ASIC2: variants seen among roughly 807,000 people sequenced by gnomAD.
The protein encoded by ASIC2 is acid sensing ion channel subunit 2.
A neutral mutation model predicts 57.3 loss-of-function variants in ASIC2; 25 were observed. The ratio of observed to expected loss-of-function variants is 0.44; its 90% confidence interval spans 0.32 to 0.61. The LOEUF (loss-of-function observed/expected upper bound fraction) is 0.61. Among genes scored for constraint, ASIC2 ranks in the 20% least tolerant of loss-of-function variants. The pLI is 0.06. For synonymous variants in ASIC2, 319 were observed against 307.5 expected, an observed-to-expected ratio of 1.04 and a Z score of -0.39; for missense variants, 641 against 738.1, an observed-to-expected ratio of 0.87 and a Z score of 1.52.
intron 1 of ASIC2, among the ~76,000 whole-genome samples, chr17:33,139,110 C>A (rs996511670): frequency 6.6e-6 from 1 of 152,212 alleles, no homozygotes; most frequent in East Asian, 1.9e-4. Flanking sequence ...TGGCTTTTGA[C>A]TGTCAGAGTC....
chr17:33,142,124 G>T (rs1904340893), intron 1 of ASIC2, among the ~76,000 whole-genome samples: 1 of 152,196 alleles, frequency 6.6e-6, no homozygotes, highest in African/African-American at 2.4e-5. Context: ...TCTGCACAGT[G>T]CTTGGCACAT....
intron 1 of ASIC2, among the ~76,000 whole-genome samples, chr17:34,097,695 T>C (rs1170447271): frequency 6.6e-6 from 1 of 152,216 alleles, no homozygotes; most frequent in African/African-American, 2.4e-5. Context: ...TTATCATAGT[T>C]GGTTGAATCC....
At chr17:33,837,061 C>T (rs901562863) in intron 1 of ASIC2, among the ~76,000 whole-genome samples, 5 of 152,184 alleles carry the variant, frequency 3.3e-5, no homozygotes, top group Admixed American at 6.5e-5. Context: ...ATTCTCTGTA[C>T]TGATTACGTG....
intron 1 of ASIC2, among the ~76,000 whole-genome samples, chr17:33,113,838 CTG>C (rs2092270012): frequency 6.6e-6 from 1 of 152,226 alleles, no homozygotes; most frequent in African/African-American, 2.4e-5. Flanking sequence ...AGCAGAAAAA[CTG>C]AGATTCAAAT....
intron 1 of ASIC2, among the ~76,000 whole-genome samples, chr17:34,068,964 T>C (rs1909277542): frequency 6.6e-6 from 1 of 152,150 alleles, no homozygotes; most frequent in Admixed American, 6.5e-5. Flanking sequence ...ACAAAAGCAA[T>C]GAGTGACAAA....
At chr17:33,837,942 C>T (rs1913322562) in intron 1 of ASIC2, among the ~76,000 whole-genome samples, 1 of 152,148 alleles carries the variant, frequency 6.6e-6, no homozygotes, top group Non-Finnish European at 1.5e-5. Context: ...TCTTCCAAAG[C>T]CTCCAAGAAA....
At position 33,152,517 on chromosome 17, in the gene ASIC2, G is replaced by T. The variant is rs143206494; in HGVS notation, c.709-40450C>A. On this transcript the variant is annotated intron_variant, in intron 1 of 9. Transcript: ENST00000225823. ...CAGGAAGGGAGAGATAACAACAAAG[G>T]CAGAGATGTAGGAGTGAGCAAGGGA... is the stretch of plus-strand genomic sequence containing the variant. Among the ~76,000 whole-genome samples, 70 of 152,328 alleles carry T rather than the reference G, an allele frequency of 4.6e-4. 1 individual carries two copies. Among genetic ancestry groups the T allele is most frequent in the Non-Finnish European group, 7.4e-4 (50 of 68,026 alleles).
intron 1 of ASIC2, among the ~76,000 whole-genome samples, chr17:33,976,376 C>T (rs1000468269): frequency 2.0e-5 from 3 of 152,040 alleles, no homozygotes; most frequent in Non-Finnish European, 4.4e-5. Flanking sequence ...GTCCCCATCT[C>T]CACAATAACC....
intron 1 of ASIC2, among the ~76,000 whole-genome samples, chr17:33,182,587 C>G (rs950841867): frequency 1.3e-5 from 2 of 152,134 alleles, no homozygotes; most frequent in African/African-American, 4.8e-5. Context: ...TAGTACCTTG[C>G]TCTCTTCCCT....
intron 1 of ASIC2, chr17:34,006,917 T>A (rs575764222): frequency 1.3e-5 from 2 of 152,324 alleles, no homozygotes; most frequent in African/African-American, 2.4e-5. Flanking sequence ...CTGTCAGAAC[T>A]GATCTCTACT....
chr17:33,543,691 G>A (rs1463970531), intron 1 of ASIC2, among the ~76,000 whole-genome samples: 3 of 152,054 alleles, frequency 2.0e-5, no homozygotes, highest in African/African-American at 4.8e-5. Flanking sequence ...ACATTACCTC[G>A]CTTAGTACTC....
At chr17:33,748,703 T>C (rs1910337278) in intron 1 of ASIC2, among the ~76,000 whole-genome samples, 1 of 152,232 alleles carries the variant, frequency 6.6e-6, no homozygotes, top group Non-Finnish European at 1.5e-5. Context: ...GCTGCCCTCA[T>C]GATCTCTGAG....
In ASIC2 at chr17:33,735,419, C is replaced by A. The variant is rs568885816; in HGVS notation, c.555+420559G>T. On this transcript the variant is annotated intron_variant, in intron 1 of 9. Coordinates refer to the ASIC2 transcript ENST00000359872. ...CACTGTATTATTCCTGACTGTTCTTCTGGGTAGTGACCAAAGAAAATGCCC... is the reference window on the plus strand; with the variant it reads ...CACTGTATTATTCCTGACTGTTCTTATGGGTAGTGACCAAAGAAAATGCCC... 2.0e-5 allele frequency among the ~76,000 whole-genome samples: 3 copies of A among 152,214 alleles called. No homozygotes were observed. The South Asian group carries it at 6.2e-4, about 32-fold the overall frequency.
intron 1 of ASIC2, among the ~76,000 whole-genome samples, chr17:33,710,642 A>G (rs2142075772): frequency 6.6e-6 from 1 of 152,338 alleles, no homozygotes; most frequent in East Asian, 1.9e-4. Context: ...GGAATGGTAA[A>G]ATACGATTGG....
intron 1 of ASIC2, among the ~76,000 whole-genome samples, chr17:33,171,259 T>C (rs1156720430): frequency 6.6e-6 from 1 of 152,224 alleles, no homozygotes; most frequent in Non-Finnish European, 1.5e-5. Flanking sequence ...TGGTTTCAGT[T>C]GACTAGCAAA....
rs186480805 is a variant in ASIC2, at chr17:33,913,401, A to G, written c.555+242577T>C. On this transcript the variant is annotated intron_variant, in intron 1 of 9. Coordinates refer to the ASIC2 transcript ENST00000359872. ...CCTAAGTTACGACTAATAAAATACA[A>G]TTTATTTTTTAGTTAAATTCTTCAC... 5.9e-5 allele frequency among the ~76,000 whole-genome samples: 9 copies of G among 152,264 alleles called. No individual in the cohort carries two copies. The East Asian group carries it at 1.7e-3, about 29-fold the overall frequency.
chr17:34,041,794 A>G (rs1158946076), intron 1 of ASIC2, among the ~76,000 whole-genome samples: 1 of 152,242 alleles, frequency 6.6e-6, no homozygotes, highest in Non-Finnish European at 1.5e-5. Flanking sequence ...GACAGGGACT[A>G]GCAGAAGAAA....
intron 2 of ASIC2, among the ~76,000 whole-genome samples, chr17:33,089,925 A>G (rs2092150784): frequency 6.6e-6 from 1 of 152,220 alleles, no homozygotes; most frequent in African/African-American, 2.4e-5. Flanking sequence ...AAATGAACTT[A>G]TGGGACTGTA....
At chr17:33,330,829 T>C (rs932353715) in intron 1 of ASIC2, among the ~76,000 whole-genome samples, 2 of 152,158 alleles carry the variant, frequency 1.3e-5, no homozygotes, top group Non-Finnish European at 2.9e-5. Context: ...CTTCATTTTG[T>C]CAATGAGGAT....
Sources: allele counts gnomAD v4.1 joint callset (sites outside exome capture counted in the v4.1 genomes callset), GRCh38; gene constraint gnomAD v4.1.1; transcripts MANE v1.5; gene names NCBI Gene and HGNC (gene_info 2026-07-23, HGNC 2026-07-21).